Variants in SRRM4 observed in about 807,000 individuals in gnomAD.
SRRM4 encodes the protein serine/arginine repetitive matrix protein 4.
SRRM4 carries 33 observed loss-of-function variants against 68.9 expected under a neutral mutation model. The observed-to-expected ratio is 0.48, with a 90% confidence interval of 0.36 to 0.64. The LOEUF is 0.64. Ranked by LOEUF, SRRM4 falls within the 30% of genes least tolerant of loss-of-function variation. The pLI is 0.00. For missense variants in SRRM4, 817 were observed against 827.1 expected, an observed-to-expected ratio of 0.99 and a Z score of 0.15; for synonymous variants, 318 against 318.8, an observed-to-expected ratio of 1.00 and a Z score of 0.03.
intron 9 of SRRM4, among the ~76,000 whole-genome samples, chr12:119,146,433 A>C (rs1954402388): frequency 6.6e-6 from 1 of 151,874 alleles, no homozygotes; most frequent in Admixed American, 6.6e-5. Context: ...CTAGAAATAC[A>C]AAATTAGCCG....
At chr12:119,033,993 G>T (rs1953610384) in intron 1 of SRRM4, among the ~76,000 whole-genome samples, 1 of 152,194 alleles carries the variant, frequency 6.6e-6, no homozygotes, top group Non-Finnish European at 1.5e-5. Context: ...TCTAACATTA[G>T]TTTGTTTCAC....
At chr12:119,057,011 T>C (rs1201243195) in intron 1 of SRRM4, among the ~76,000 whole-genome samples, 1 of 152,140 alleles carries the variant, frequency 6.6e-6, no homozygotes, top group East Asian at 1.9e-4. Flanking sequence ...TAAGCAACAT[T>C]ACTCCCATTC....
Position 119,150,120 on chromosome 12 carries a change from AT to A in SRRM4, c.1077-892del, listed in dbSNP as rs1421357615. Among the ~76,000 whole-genome samples, 4 of 152,330 alleles carry A rather than the reference AT, an allele frequency of 2.6e-5. No individual in the cohort carries two copies. In the South Asian group the frequency reaches 8.3e-4, roughly 32 times the overall value. ...TATTCCTGTTTACTTTAATAAACTC[AT>A]TTTTAATATATAAGTAAAAGGAAAA... On this transcript the variant is annotated intron_variant, in intron 9 of 12. Coordinates refer to ENST00000267260, the MANE Select transcript of SRRM4 (RefSeq NM_194286.4).
chr12:119,069,408 A>G (rs753902103), intron 1 of SRRM4, among the ~76,000 whole-genome samples: 15 of 152,184 alleles, frequency 9.9e-5, no homozygotes, highest in Non-Finnish European at 2.1e-4. Flanking sequence ...GGGTGTGGAC[A>G]CACGTTGGGA....
At chr12:119,010,295 C>T (rs987600608) in intron 1 of SRRM4, among the ~76,000 whole-genome samples, 5 of 152,290 alleles carry the variant, frequency 3.3e-5, no homozygotes, top group East Asian at 1.9e-4. Flanking sequence ...TCAAGTAATC[C>T]GCCCGCCTCA....
intron 8 of SRRM4, among the ~76,000 whole-genome samples, chr12:119,138,700 C>T (rs1004682159): frequency 1.3e-5 from 2 of 152,224 alleles, no homozygotes; most frequent in African/African-American, 4.8e-5. Context: ...CATTTCCACA[C>T]TCCATTACAG....
intron 1 of SRRM4, among the ~76,000 whole-genome samples, chr12:119,005,684 A>G (rs1953411812): frequency 6.6e-6 from 1 of 152,242 alleles, no homozygotes; most frequent in Non-Finnish European, 1.5e-5. Flanking sequence ...GAATTAAACG[A>G]AATTATATGC....
At chr12:119,009,887 C>T (rs1025887866) in intron 1 of SRRM4, among the ~76,000 whole-genome samples, 2 of 152,112 alleles carry the variant, frequency 1.3e-5, no homozygotes, top group Admixed American at 1.3e-4. Context: ...TCAGATGTTC[C>T]CCCTTCGACT....
At chr12:119,035,957 C>T (rs1257000574) in intron 1 of SRRM4, among the ~76,000 whole-genome samples, 1 of 152,062 alleles carries the variant, frequency 6.6e-6, no homozygotes, top group Non-Finnish European at 1.5e-5. Flanking sequence ...GGGGCTTAGT[C>T]GATCTCTGAT....
rs1409163031 is a variant in SRRM4, at chr12:119,145,484, C to G, written c.875C>G (p.Ser292Cys). 5 of 1,610,454 alleles carry G rather than the reference C, an allele frequency of 3.1e-6. No individual in the cohort carries two copies. Among genetic ancestry groups the G allele is most frequent in the Non-Finnish European group, 4.2e-6 (5 of 1,178,476 alleles). ...GAGTACGACTCAGGAAATGACACGTCCTCGCCACCCTCCACGCAAACCAGC... is the reference window on the plus strand; with the variant it reads ...GAGTACGACTCAGGAAATGACACGTGCTCGCCACCCTCCACGCAAACCAGC... The part of the protein sequence containing the change: ...SQEYDSGNDT[S>C]SPPSTQTSSA... Residue 292 changes from serine (S) to cysteine (C), a missense_variant, in exon 9 of 13, where the codon TCC (serine) becomes TGC (cysteine). By Grantham distance (112) the Ser-to-Cys change is moderately radical. Transcript: ENST00000267260.
rs928194558 is a variant in SRRM4, at chr12:119,162,357, C to G, written c.*5559C>G. On this transcript the variant is annotated 3_prime_UTR_variant, in exon 13 of 13. Transcript: ENST00000267260. ...CTCTGTATTTAGTTTGAACTTCTCT[C>G]TAAGCCCCGTGGTCCAAAGTCATCA... 4 of 152,248 alleles carry G rather than the reference C, an allele frequency of 2.6e-5. No individual in the cohort carries two copies. The highest frequency in any genetic ancestry group is 9.6e-5 in the African/African-American group (4 of 41,468). The allele number at this position is 152,248 out of a possible 1,614,324, so 9.4% of individuals were successfully genotyped here.
Position 119,117,011 on chromosome 12 carries a change from A to T in SRRM4, c.437+3A>T. 6.2e-7 allele frequency: 1 copy of T among 1,613,726 alleles called. No homozygotes were observed. Among genetic ancestry groups the T allele is most frequent in the Non-Finnish European group, 8.5e-7 (1 of 1,179,726 alleles). ...TCCAAGAAACACAAGCGACGCAGGT[A>T]TTGTCCTTTTTCTCTGCAAACAAGA... On this transcript the variant is annotated splice_donor_region_variant and intron_variant, in intron 4 of 12. Transcript: ENST00000267260.
At chr12:119,010,115 C>T (rs867488592) in intron 1 of SRRM4, among the ~76,000 whole-genome samples, 2 of 152,274 alleles carry the variant, frequency 1.3e-5, no homozygotes, top group African/African-American at 2.4e-5. Flanking sequence ...TGCAATGGTG[C>T]GATCTTGGCT....
chr12:119,043,723 G>A (rs1953685052), intron 1 of SRRM4, among the ~76,000 whole-genome samples: 1 of 150,036 alleles, frequency 6.7e-6, no homozygotes, highest in Non-Finnish European at 1.5e-5. Flanking sequence ...AGAAGAAAAG[G>A]GCGTAGGGGA....
intron 1 of SRRM4, among the ~76,000 whole-genome samples, chr12:118,995,437 T>C (rs1345480192): frequency 6.6e-6 from 1 of 152,238 alleles, no homozygotes; most frequent in African/African-American, 2.4e-5. Flanking sequence ...CTTGACAAGC[T>C]GTTTACATCT....
At chr12:118,999,913 A>C (rs1308867937) in intron 1 of SRRM4, among the ~76,000 whole-genome samples, 1 of 152,214 alleles carries the variant, frequency 6.6e-6, no homozygotes, top group East Asian at 1.9e-4. Context: ...TGGTGCTCTA[A>C]TACTAGGCAC....
rs537039995 is a variant in SRRM4 at position 119,098,096 on chromosome 12, C to T, written c.132-4140C>T. Among the ~76,000 whole-genome samples, 302 of 152,246 alleles carry T rather than the reference C, an allele frequency of 2.0e-3. 4 individuals are homozygous for T. The highest frequency in any genetic ancestry group is 6.9e-3 in the African/African-American group (288 of 41,538). ...CTTGCTCTCTTGGATTGATCATTGT[C>T]GGGGAAGCCAGCCGCCATGTTGTGA... On this transcript the variant is annotated intron_variant, in intron 1 of 12. Coordinates refer to ENST00000267260, the MANE Select transcript of SRRM4 (RefSeq NM_194286.4).
At chr12:118,985,812 A>G (rs1043248434) in intron 1 of SRRM4, among the ~76,000 whole-genome samples, 1 of 152,236 alleles carries the variant, frequency 6.6e-6, no homozygotes, top group Non-Finnish European at 1.5e-5. Context: ...ATATGATTTC[A>G]TATCACCATA....
At chr12:119,145,345 C>T (rs749056506) in intron 8 of SRRM4, 36 bp from the exon 9 acceptor site, 12 of 1,565,358 alleles carry the variant, frequency 7.7e-6, no homozygotes, top group Middle Eastern at 1.7e-4. Context: ...ATGGGCCCAG[C>T]GCTCAGCAGT....
Sources: allele counts gnomAD v4.1 joint callset (sites outside exome capture counted in the v4.1 genomes callset), GRCh38; gene constraint gnomAD v4.1.1; transcripts MANE v1.5; gene names NCBI Gene and HGNC (gene_info 2026-07-23, HGNC 2026-07-21).